Variants in EOGT observed in about 807,000 individuals in gnomAD.
EOGT encodes the protein EGF domain specific O-linked N-acetylglucosamine transferase, also known as EGF domain-specific O-linked N-acetylglucosamine transferase.
In EOGT, 55 loss-of-function variants were observed where a neutral mutation model predicts 70.5. The ratio of observed to expected loss-of-function variants is 0.78; its 90% CI spans 0.63 to 0.98. EOGT has a LOEUF of 0.98. EOGT is among the 50% of genes least tolerant of loss of function. The probability of loss-of-function intolerance (pLI) is 0.00; values close to 1 mark genes in which losing one functional copy is unlikely to be tolerated. For missense variants in EOGT, 703 were observed against 641.9 expected, an observed-to-expected ratio of 1.10 and a Z score of -1.03; for synonymous variants, 246 against 217.1, an observed-to-expected ratio of 1.13 and a Z score of -1.17.
chr3:68,985,260 A>C (rs2090773056), intron 14 of EOGT, among the ~76,000 whole-genome samples: 2 of 152,274 alleles, frequency 1.3e-5, no homozygotes, highest in South Asian at 2.1e-4. Flanking sequence ...AAACACACAC[A>C]TACAAACACA....
Position 69,009,633 on chromosome 3 carries a change from C to G in EOGT, c.210+4G>C. Reference sequence around the variant, plus strand: ...AAAATAAGGAGAAAAGAAATAATACCTACCTTATATGGACAAAGAGAGTCT... The same window carrying G: ...AAAATAAGGAGAAAAGAAATAATACGTACCTTATATGGACAAAGAGAGTCT... On this transcript the variant is annotated splice_donor_region_variant and intron_variant, in intron 4 of 17. Transcript: ENST00000383701. 1 of 1,605,506 alleles carries G rather than the reference C, an allele frequency of 6.2e-7. No homozygotes were observed. Among genetic ancestry groups the G allele is most frequent in the Non-Finnish European group, 8.5e-7 (1 of 1,172,608 alleles).
intron 10 of EOGT, among the ~76,000 whole-genome samples, chr3:68,995,514 C>T (rs762737955): frequency 2.2e-4 from 33 of 152,168 alleles, no homozygotes; most frequent in Non-Finnish European, 3.8e-4. Flanking sequence ...TCATGCTCAG[C>T]TGACTGAGTA....
At chr3:69,009,270 T>C (rs2091509787) in intron 4 of EOGT, among the ~76,000 whole-genome samples, 1 of 152,220 alleles carries the variant, frequency 6.6e-6, no homozygotes, top group Non-Finnish European at 1.5e-5. Flanking sequence ...GTGTTATTAC[T>C]GAAATTAAGT....
In EOGT at chr3:68,987,427, T is replaced by C. The variant is rs1296036750; in HGVS notation, c.1152+18A>G. ...GAATTGAATATGAAGGCATTAAAAATGCATACCAAAAACTAACCTCATTTT... is the reference window on the plus strand; with the variant it reads ...GAATTGAATATGAAGGCATTAAAAACGCATACCAAAAACTAACCTCATTTT... On this transcript the variant is annotated intron_variant, in intron 14 of 17. Transcript: ENST00000383701. 4.4e-6 allele frequency: 7 copies of C among 1,583,378 alleles called. No homozygotes were observed. The highest frequency in any genetic ancestry group is 5.2e-6 in the Non-Finnish European group (6 of 1,154,246).
intron 14 of EOGT, among the ~76,000 whole-genome samples, chr3:68,985,020 T>C (rs896064427): frequency 1.3e-5 from 2 of 152,284 alleles, no homozygotes; most frequent in South Asian, 2.1e-4. Context: ...TGAGCCTCAG[T>C]GTCCTTGTCT....
intron 3 of EOGT, among the ~76,000 whole-genome samples, chr3:69,010,610 G>C (rs2091552740): frequency 6.6e-6 from 1 of 152,216 alleles, no homozygotes; most frequent in Non-Finnish European, 1.5e-5. Flanking sequence ...TGAGTTAAAT[G>C]AGTTAGTTAT....
At chr3:69,009,939 AAAAAAAAAAAC>A in intron 3 of EOGT, 79 bp from the exon 4 acceptor site, 1 of 734,342 alleles carries the variant, frequency 1.4e-6, no homozygotes, top group Non-Finnish European at 2.2e-6. Context: ...ACAACAAAAA[AAAAAAAAAAAC>A]AAAGGGTCAA....
intron 11 of EOGT, 75 bp from the exon 12 acceptor site, chr3:68,988,652 A>G: frequency 1.1e-6 from 1 of 889,242 alleles, no homozygotes; most frequent in Non-Finnish European, 1.7e-6. Context: ...TAATTTTGAG[A>G]AATAGATTTT....
At chr3:68,991,026 A>G (rs542344002) in intron 10 of EOGT, among the ~76,000 whole-genome samples, 11 of 152,346 alleles carry the variant, frequency 7.2e-5, no homozygotes. Flanking sequence ...GGCAATTAAA[A>G]GAAGTGATTC....
In EOGT at chr3:68,977,631, T is replaced by C; in HGVS notation, c.1571A>G (p.His524Arg). Reference sequence around the variant, plus strand: ...GACTCAGCATATTTATAGCTCATCATGTTTCTTCTTAAATGGCCACTTTGG... The same window carrying C: ...GACTCAGCATATTTATAGCTCATCACGTTTCTTCTTAAATGGCCACTTTGG... ...QHPKWPFKKKHDEL is the reference protein window; with the variant it reads ...QHPKWPFKKKRDEL Residue 524 changes from histidine (H) to arginine (R), a missense_variant, in exon 18 of 18, where the codon CAT (histidine) becomes CGT (arginine). Transcript: ENST00000383701. 1 of 1,613,930 alleles carries C rather than the reference T, an allele frequency of 6.2e-7. No individual in the cohort carries two copies. The highest frequency in any genetic ancestry group is 8.5e-7 in the Non-Finnish European group (1 of 1,179,904).
intron 4 of EOGT, among the ~76,000 whole-genome samples, chr3:69,008,824 C>T (rs566491538): frequency 3.9e-5 from 6 of 152,276 alleles, no homozygotes; most frequent in Admixed American, 3.9e-4. Flanking sequence ...GCTTAAGAAA[C>T]CACCTTTCTC....
At chr3:68,996,806 G>A in intron 10 of EOGT, among the ~76,000 whole-genome samples, 1 of 152,220 alleles carries the variant, frequency 6.6e-6, no homozygotes, top group South Asian at 2.1e-4. Flanking sequence ...TCGTGAGTCA[G>A]AATGTTGAGT....
At chr3:68,994,398 G>C (rs975422666) in intron 10 of EOGT, among the ~76,000 whole-genome samples, 5 of 152,126 alleles carry the variant, frequency 3.3e-5, no homozygotes, top group African/African-American at 1.2e-4. Flanking sequence ...ACCCTTGGGG[G>C]AACAGGGAAT....
intron 6 of EOGT, among the ~76,000 whole-genome samples, chr3:69,007,268 G>A (rs1575778949): frequency 6.6e-6 from 1 of 152,182 alleles, no homozygotes; most frequent in African/African-American, 2.4e-5. Flanking sequence ...AACTAAGTGA[G>A]AGTGAGGAAT....
At chr3:68,982,750 G>GC in intron 15 of EOGT, 61 bp downstream of exon 15, 2 of 1,256,472 alleles carry the variant, frequency 1.6e-6, no homozygotes, top group Non-Finnish European at 2.2e-6. Context: ...ATGCTTTCTA[G>GC]CCCCCTTGAC....
rs188255208 is a variant in EOGT, at chr3:68,978,894, A to G, written c.1335-459T>C. ...TTCTTCCATCCTTCCTTCTCTCTCT[A>G]TAAGAGAAATGACAGAGATAGAATC... is the stretch of plus-strand genomic sequence containing the variant. On this transcript the variant is annotated intron_variant, in intron 16 of 17. Coordinates refer to ENST00000383701, the MANE Select transcript of EOGT (RefSeq NM_001278689.2). 1.8e-3 allele frequency among the ~76,000 whole-genome samples: 270 copies of G among 152,294 alleles called. 2 individuals are homozygous for G. Among genetic ancestry groups the G allele is most frequent in the African/African-American group, 6.1e-3 (252 of 41,540 alleles).
Position 68,978,406 on chromosome 3 carries a change from A to G in EOGT, c.1364T>C (p.Leu455Ser). ...AACGCCTCTCAGCCTGGCCAAGTCT[A>G]AGTAACAGCGTTCATCTTCACAGTT... ...LYNCEDERCY[L>S]DLARLRGVHY... Residue 455 changes from leucine (L) to serine (S), a missense_variant, in exon 17 of 18, where the codon TTA (leucine) becomes TCA (serine). Physicochemically the swap from Leu to Ser is moderately radical, Grantham distance 145. Coordinates refer to ENST00000383701, the MANE Select transcript of EOGT (RefSeq NM_001278689.2). 6.2e-7 allele frequency: 1 copy of G among 1,612,048 alleles called. No homozygotes were observed. Among genetic ancestry groups the G allele is most frequent in the Non-Finnish European group, 8.5e-7 (1 of 1,179,324 alleles).
At position 68,977,736 on chromosome 3, in the gene EOGT, G is replaced by A. The variant is rs199832969; in HGVS notation, c.1466C>T (p.Pro489Leu). 1.0e-4 allele frequency: 162 copies of A among 1,613,112 alleles called. No individual in the cohort carries two copies. Among genetic ancestry groups the A allele is most frequent in the Non-Finnish European group, 1.3e-4 (156 of 1,179,662 alleles). Residue 489 changes from proline to leucine, a missense_variant, in exon 18 of 18, where the codon CCG becomes CTG. Transcript: ENST00000383701. ...KGHHPTLGEH[P>L]KFTNYSFDVE... The stretch of plus-strand genomic sequence containing the variant: ...ATCGAAAGAGTAGTTGGTGAACTTC[G>A]GGTGCTCCCCCAGGGTTGGATGGTG...
At position 69,008,512 on chromosome 3, in the gene EOGT, A is replaced by G. The variant is rs1158368412; in HGVS notation, c.227T>C (p.Leu76Pro). The change falls in exon 5 of 18, where the codon CTA becomes CCA. Residue 76 changes from leucine to proline, a missense_variant. Leu to Pro is a moderately conservative substitution (Grantham distance 98). Transcript: ENST00000383701. Reference protein sequence around the residue: ...LCPYKKHLEKLKYCWGYEKSC... With the variant: ...LCPYKKHLEKPKYCWGYEKSC... ...TTTCTCATAACCCCAGCAGTACTTT[A>G]GCTTCTCTAGGTGTTTCTAGAACAT... is the stretch of plus-strand genomic sequence containing the variant. 6.2e-7 allele frequency: 1 copy of G among 1,613,796 alleles called. No homozygotes were observed. The highest frequency in any genetic ancestry group is 2.2e-5 in the East Asian group (1 of 44,876).
Sources: gnomAD v4.1 joint callset for allele counts (sites outside exome capture counted in the v4.1 genomes callset) on GRCh38, gnomAD v4.1.1 for gene constraint, MANE v1.5 for transcripts, NCBI Gene and HGNC (gene_info 2026-07-23, HGNC 2026-07-21) for gene names.